Variants in ITCH observed in about 807,000 individuals in gnomAD.
ITCH encodes the protein E3 ubiquitin-protein ligase Itchy homolog.
A neutral mutation model predicts 126.8 loss-of-function variants in ITCH; 28 were observed. The ratio of observed to expected loss-of-function variants is 0.22; its 90% CI spans 0.16 to 0.30. ITCH has a LOEUF of 0.30. Among genes scored for constraint, ITCH ranks in the 10% least tolerant of loss-of-function variants. ITCH has a pLI of 1.00. For missense variants in ITCH, 631 were observed against 1,032.4 expected (o/e 0.61, Z 5.33); for synonymous variants, 342 against 340.0 (o/e 1.01, Z -0.06).
intron 14 of ITCH, among the ~76,000 whole-genome samples, chr20:34,467,883 G>A (rs1231586926): frequency 1.3e-5 from 2 of 151,322 alleles, no homozygotes; most frequent in Non-Finnish European, 2.9e-5. Context: ...TGAGGTTTCA[G>A]GCCACTGCAT....
At chr20:34,451,337 A>G (rs1342099371) in intron 12 of ITCH, among the ~76,000 whole-genome samples, 7 of 151,136 alleles carry the variant, frequency 4.6e-5, no homozygotes, top group African/African-American at 1.7e-4. Flanking sequence ...GTGCTTGCCT[A>G]TAGTCCCAGC....
At chr20:34,470,211 A>G in intron 15 of ITCH, 91 bp downstream of exon 15, 1 of 984,546 alleles carries the variant, frequency 1.0e-6, no homozygotes. Context: ...AACTCACAGA[A>G]AAACAGGTAA....
At chr20:34,418,326 A>G (rs1029193984) in intron 6 of ITCH, among the ~76,000 whole-genome samples, 17 of 152,178 alleles carry the variant, frequency 1.1e-4, no homozygotes, top group African/African-American at 4.1e-4. Flanking sequence ...ACTTTTTATC[A>G]TGTATACTCT....
At chr20:34,442,601 C>T (rs879372895) in intron 10 of ITCH, among the ~76,000 whole-genome samples, 3 of 152,024 alleles carry the variant, frequency 2.0e-5, no homozygotes, top group Non-Finnish European at 4.4e-5. Flanking sequence ...CATCCTCCCG[C>T]GTTGGCCTCC....
chr20:34,408,105 T>A (rs1260512008), intron 3 of ITCH, among the ~76,000 whole-genome samples: 1 of 152,314 alleles, frequency 6.6e-6, no homozygotes, highest in Non-Finnish European at 1.5e-5. Flanking sequence ...GTGTACTTTT[T>A]AAATTTTTCC....
At chr20:34,465,795 G>C (rs1432589886) in intron 14 of ITCH, among the ~76,000 whole-genome samples, 2 of 152,106 alleles carry the variant, frequency 1.3e-5, no homozygotes, top group South Asian at 2.1e-4. Flanking sequence ...ACTCTGGCAG[G>C]GTTTTTCGTT....
intron 7 of ITCH, among the ~76,000 whole-genome samples, chr20:34,426,395 T>C (rs956513216): frequency 6.6e-6 from 1 of 152,134 alleles, no homozygotes; most frequent in African/African-American, 2.4e-5. Context: ...CATGGGAGTT[T>C]ATTGTATTAG....
chr20:34,417,136 G>T lies in ITCH; in HGVS notation c.475+3257G>T, dbSNP rs146558867. ...TTTTAGATGGGGTTTCGCTCTGTTT[G>T]CCCAGGCTGGAGTGCAATAGTGCGA... On this transcript the variant is annotated intron_variant, in intron 6 of 24. Transcript: ENST00000374864. 553 of 664,420 alleles carry T rather than the reference G, an allele frequency of 8.3e-4. 5 individuals carry two copies. Among genetic ancestry groups the T allele is most frequent in the Non-Finnish European group, 1.6e-4 (59 of 364,230 alleles). The allele number at this position is 664,420 out of a possible 1,614,324, so 41.2% of individuals were successfully genotyped here.
intron 22 of ITCH, 83 bp downstream of exon 22, chr20:34,490,009 G>T (rs901558461): frequency 9.6e-6 from 9 of 935,776 alleles, no homozygotes; most frequent in Non-Finnish European, 1.6e-5. Context: ...TGAGTCACAG[G>T]TCAAAATGTA....
At chr20:34,378,471 C>CAAAAAAAAAAAAAAAAAAAAAAAAATGTA (rs35400213) in intron 2 of ITCH, among the ~76,000 whole-genome samples, 1 of 48,682 alleles carries the variant, frequency 2.1e-5, no homozygotes, top group Non-Finnish European at 3.5e-5. Flanking sequence ...AACTCTGTCT[C>CAAAAAAAAAAAAAAAAAAAAAAAAATGTA]AAAAAAAAAA....
At chr20:34,475,060 CG>C (rs762976472) in intron 16 of ITCH, among the ~76,000 whole-genome samples, 42 of 151,078 alleles carry the variant, frequency 2.8e-4, no homozygotes, top group Non-Finnish European at 5.2e-4. Context: ...AGACCATGGG[CG>C]GCCGGGCAGA....
At chr20:34,489,183 A>AT in intron 20 of ITCH, 83 bp from the exon 21 acceptor site, 2 of 1,237,242 alleles carry the variant, frequency 1.6e-6, no homozygotes, top group Non-Finnish European at 2.3e-6. Flanking sequence ...GTTTTTTATA[A>AT]TTTTTTAAAA....
intron 2 of ITCH, among the ~76,000 whole-genome samples, chr20:34,377,914 A>G (rs1014993911): frequency 2.0e-5 from 3 of 152,138 alleles, no homozygotes; most frequent in African/African-American, 4.8e-5. Context: ...GAAGAAACCA[A>G]TAAATGTAGA....
chr20:34,441,457 C>T (rs535926020), intron 9 of ITCH: 1 of 152,084 alleles, frequency 6.6e-6, no homozygotes, highest in Admixed American at 6.6e-5. Context: ...TGAAATCTTG[C>T]TCTGTTGCCC....
intron 3 of ITCH, among the ~76,000 whole-genome samples, chr20:34,397,489 A>G (rs571077515): frequency 6.6e-6 from 1 of 152,286 alleles, no homozygotes; most frequent in Non-Finnish European, 1.5e-5. Context: ...TTTAGTTTCA[A>G]CTATGCCTGG....
Position 34,413,868 on chromosome 20 carries a change from C to T in ITCH, c.464C>T (p.Thr155Ile). 1 of 1,613,128 alleles carries T rather than the reference C, an allele frequency of 6.2e-7. No individual in the cohort carries two copies. Residue 155 changes from threonine to isoleucine, a missense_variant, in exon 6 of 25, where the codon ACA becomes ATA. Transcript: ENST00000374864. ...ESEVVTNGET[T>I]CSESASQNDD... ...GAAGTTGTTACCAATGGTGAAACTA[C>T]ATGTTCAGAAAGTAAGTGACTACCT...
At chr20:34,448,422 A>G (rs1224670830) in intron 11 of ITCH, among the ~76,000 whole-genome samples, 3 of 152,094 alleles carry the variant, frequency 2.0e-5, no homozygotes, top group Admixed American at 6.5e-5. Context: ...AATGTCCACA[A>G]ATTTTAGAGA....
At chr20:34,389,985 G>C (rs536750770) in intron 2 of ITCH, among the ~76,000 whole-genome samples, 123 of 152,258 alleles carry the variant, frequency 8.1e-4, no homozygotes, top group African/African-American at 2.6e-3. Context: ...GCTAGGTGTG[G>C]TTGTGGGTGC....
At chr20:34,371,830 T>C (rs1568852587) in intron 2 of ITCH, among the ~76,000 whole-genome samples, 1 of 152,188 alleles carries the variant, frequency 6.6e-6, no homozygotes, top group Non-Finnish European at 1.5e-5. Flanking sequence ...TTCTGTGATC[T>C]TGGGCAGCTC....
Sources: gnomAD v4.1 joint callset for allele counts (sites outside exome capture counted in the v4.1 genomes callset) on GRCh38, gnomAD v4.1.1 for gene constraint, MANE v1.5 for transcripts, NCBI Gene and HGNC (gene_info 2026-07-23, HGNC 2026-07-21) for gene names.